The following ELAPOR2 variants were observed in gnomAD, a reference collection of about 807,000 sequenced individuals.
ELAPOR2 encodes endosome/lysosome-associated apoptosis and autophagy regulator family member 2.
ELAPOR2 carries 89 observed loss-of-function variants against 120.7 expected under a neutral mutation model. The observed-to-expected ratio is 0.74, with a 90% CI of 0.62 to 0.88. ELAPOR2 has a LOEUF of 0.88. ELAPOR2 is among the 40% of genes least tolerant of loss of function. ELAPOR2 has a pLI of 0.00. For missense variants in ELAPOR2, 1,134 were observed against 1,251.6 expected (o/e 0.91, Z 1.42); for synonymous variants, 444 against 444.9 (o/e 1.00, Z 0.03).
intron 8 of ELAPOR2, among the ~76,000 whole-genome samples, chr7:86,929,573 G>A (rs947129096): frequency 6.6e-6 from 1 of 151,954 alleles, no homozygotes; most frequent in African/African-American, 2.4e-5. Flanking sequence ...TGCTCAACAT[G>A]TACAGTTGTG....
At chr7:87,047,812 C>A (rs1794996711) in intron 1 of ELAPOR2, among the ~76,000 whole-genome samples, 1 of 152,164 alleles carries the variant, frequency 6.6e-6, no homozygotes, top group African/African-American at 2.4e-5. Flanking sequence ...CCAGCAATCC[C>A]ACTGCTGGTT....
At chr7:86,922,025 G>A (rs1011302166) in intron 10 of ELAPOR2, among the ~76,000 whole-genome samples, 1 of 151,970 alleles carries the variant, frequency 6.6e-6, no homozygotes, top group African/African-American at 2.4e-5. Context: ...ATTTTGACAT[G>A]TCATCAATAT....
chr7:87,023,559 G>A (rs1794136361), intron 1 of ELAPOR2, among the ~76,000 whole-genome samples: 1 of 152,050 alleles, frequency 6.6e-6, no homozygotes, highest in African/African-American at 2.4e-5. Flanking sequence ...CTCTTTTTTG[G>A]TTCCATATTA....
intron 1 of ELAPOR2, among the ~76,000 whole-genome samples, chr7:86,973,220 G>A (rs146888113): frequency 6.6e-6 from 1 of 152,300 alleles, no homozygotes; most frequent in East Asian, 1.9e-4. Context: ...TGAGGATAAA[G>A]TCTACAATCT....
intron 8 of ELAPOR2, among the ~76,000 whole-genome samples, chr7:86,929,822 A>T (rs1401794571): frequency 6.6e-6 from 1 of 151,780 alleles, no homozygotes; most frequent in Non-Finnish European, 1.5e-5. Flanking sequence ...TTCTTGTGAT[A>T]GTGAGTTCTC....
intron 1 of ELAPOR2, among the ~76,000 whole-genome samples, chr7:86,983,105 A>C (rs561362787): frequency 2.6e-5 from 4 of 152,220 alleles, no homozygotes; most frequent in Non-Finnish European, 4.4e-5. Context: ...AGATTGAATT[A>C]ATGAAATAGA....
intron 1 of ELAPOR2, among the ~76,000 whole-genome samples, chr7:87,054,410 G>A (rs1795202867): frequency 2.0e-5 from 3 of 152,182 alleles, no homozygotes; most frequent in Admixed American, 2.0e-4. Context: ...TAAAACATGA[G>A]AAATGATTCT....
At chr7:86,923,790 T>C (rs1251982409) in intron 10 of ELAPOR2, among the ~76,000 whole-genome samples, 2 of 152,132 alleles carry the variant, frequency 1.3e-5, no homozygotes, top group African/African-American at 4.8e-5. Flanking sequence ...ATTATTTCAA[T>C]TTTTGTTGTT....
At chr7:86,988,209 TG>T (rs1478062620) in intron 1 of ELAPOR2, among the ~76,000 whole-genome samples, 2 of 151,874 alleles carry the variant, frequency 1.3e-5, no homozygotes, top group Non-Finnish European at 2.9e-5. Flanking sequence ...GGGTCAGGTG[TG>T]GGGGGAGGGA....
At chr7:87,048,021 G>A (rs1442775910) in intron 1 of ELAPOR2, among the ~76,000 whole-genome samples, 5 of 152,088 alleles carry the variant, frequency 3.3e-5, no homozygotes, top group African/African-American at 9.7e-5. Flanking sequence ...TGAGGTGGGC[G>A]GATCACAAGG....
At chr7:86,965,200 C>T (rs1363961446) in intron 1 of ELAPOR2, among the ~76,000 whole-genome samples, 176 bp from the exon 2 acceptor site, 1 of 152,084 alleles carries the variant, frequency 6.6e-6, no homozygotes. Context: ...GTGCTAGACA[C>T]AGAGTAGGTG....
intron 1 of ELAPOR2, among the ~76,000 whole-genome samples, chr7:86,981,480 C>T (rs1359870272): frequency 6.6e-6 from 1 of 152,192 alleles, no homozygotes; most frequent in African/African-American, 2.4e-5. Flanking sequence ...GTCCTAACTA[C>T]CTCCCAGCTA....
At chr7:86,884,453 T>C (rs1404991409) in intron 21 of ELAPOR2, among the ~76,000 whole-genome samples, 1 of 152,148 alleles carries the variant, frequency 6.6e-6, no homozygotes, top group Admixed American at 6.6e-5. Context: ...TTTACAAAAC[T>C]GAACCCGGAT....
intron 12 of ELAPOR2, among the ~76,000 whole-genome samples, chr7:86,917,128 G>A (rs1789604634): frequency 6.6e-6 from 1 of 151,622 alleles, no homozygotes; most frequent in Non-Finnish European, 1.5e-5. Context: ...TTATGTTTAA[G>A]GATAATTTTA....
At chr7:86,925,428 T>G in intron 10 of ELAPOR2, 100 bp downstream of exon 10, 1 of 1,219,622 alleles carries the variant, frequency 8.2e-7, no homozygotes, top group South Asian at 1.4e-5. Context: ...AAGATTGAAG[T>G]TCCTCATACC....
intron 1 of ELAPOR2, among the ~76,000 whole-genome samples, chr7:86,983,851 G>A (rs1020986080): frequency 2.6e-5 from 4 of 152,194 alleles, no homozygotes; most frequent in Non-Finnish European, 5.9e-5. Flanking sequence ...AACCTTAAAT[G>A]TAAATGGGCT....
At chr7:87,033,932 G>T (rs1794498368) in intron 1 of ELAPOR2, among the ~76,000 whole-genome samples, 1 of 152,052 alleles carries the variant, frequency 6.6e-6, no homozygotes, top group African/African-American at 2.4e-5. Context: ...ACAGAAAAAG[G>T]ATGAATTATG....
intron 1 of ELAPOR2, among the ~76,000 whole-genome samples, chr7:86,994,845 C>G (rs1290542764): frequency 1.3e-5 from 2 of 152,092 alleles, no homozygotes; most frequent in East Asian, 3.8e-4. Context: ...CACTTCCTGA[C>G]CCATACTTCA....
rs192173473 is a variant in ELAPOR2, at chr7:86,987,117, T to C, written c.190-22093A>G. Among the ~76,000 whole-genome samples the C allele has an allele frequency of 2.2e-3, 333 of 152,266 alleles. 2 individuals carry two copies. The highest frequency in any genetic ancestry group is 7.7e-3 in the African/African-American group (320 of 41,548). ...GGGAAAGGATTTCCTATTTAATAAATGGTGCTGGGAAAACTGGGTAGTCAT... is the reference window on the plus strand; with the variant it reads ...GGGAAAGGATTTCCTATTTAATAAACGGTGCTGGGAAAACTGGGTAGTCAT... On this transcript the variant is annotated intron_variant, in intron 1 of 21. Transcript: ENST00000450689.
Sources: allele counts gnomAD v4.1 joint callset (sites outside exome capture counted in the v4.1 genomes callset), GRCh38; gene constraint gnomAD v4.1.1; transcripts MANE v1.5; gene names NCBI Gene and HGNC (gene_info 2026-07-23, HGNC 2026-07-21).